MCTP1: variants seen among roughly 807,000 people sequenced by gnomAD.
MCTP1 encodes multiple C2 and transmembrane domain containing 1.
Under a neutral mutation model 120.6 loss-of-function variants are expected in MCTP1, and 69 were observed. That is an observed-to-expected ratio of 0.57 (90% CI 0.47 to 0.70). The LOEUF is 0.70. Among genes scored for constraint, MCTP1 ranks in the 30% least tolerant of loss-of-function variants. MCTP1 has a pLI of 0.00. For missense variants in MCTP1, 1,203 were observed against 1,248.8 expected (o/e 0.96, Z 0.55); for synonymous variants, 529 against 493.1 (o/e 1.07, Z -0.96).
chr5:94,782,004 G>A (rs908847393), intron 18 of MCTP1, among the ~76,000 whole-genome samples: 2 of 151,930 alleles, frequency 1.3e-5, no homozygotes, highest in African/African-American at 2.4e-5. Flanking sequence ...GTTTCCTATC[G>A]ATGCCTTTAA....
chr5:94,710,964 T>G (rs1198934006), intron 20 of MCTP1, 37 bp from the exon 21 acceptor site: 1 of 1,367,024 alleles, frequency 7.3e-7, no homozygotes, highest in Non-Finnish European at 1.0e-6. Context: ...ATCTGAGTAC[T>G]TCATACTTTT....
At chr5:94,831,664 C>T (rs902834714) in intron 17 of MCTP1, among the ~76,000 whole-genome samples, 1 of 152,100 alleles carries the variant, frequency 6.6e-6, no homozygotes, top group African/African-American at 2.4e-5. Context: ...AAATAAGAAT[C>T]CTTTGTGTAA....
At chr5:94,804,179 C>G (rs924803819) in intron 17 of MCTP1, among the ~76,000 whole-genome samples, 1 of 152,164 alleles carries the variant, frequency 6.6e-6, no homozygotes, top group Non-Finnish European at 1.5e-5. Context: ...ACATATTATT[C>G]TCTCTCCAAG....
At chr5:95,019,811 A>G (rs1198245069) in intron 1 of MCTP1, among the ~76,000 whole-genome samples, 2 of 152,060 alleles carry the variant, frequency 1.3e-5, no homozygotes, top group Admixed American at 6.6e-5. Flanking sequence ...AAAGGACAAG[A>G]GCGTGACAGC....
rs151174729 is a variant in MCTP1, at chr5:94,977,627, T to C, written c.839-24266A>G. On this transcript the variant is annotated intron_variant, in intron 2 of 22. Coordinates refer to ENST00000515393, the MANE Select transcript of MCTP1 (RefSeq NM_024717.7). ...TGGTACTGTGAAAAAGACAGACATA[T>C]AGTCCAAGGAACAGAATGAAAATCA... Among the ~76,000 whole-genome samples, 93 of 152,222 alleles carry C rather than the reference T, an allele frequency of 6.1e-4. 1 individual carries two copies. Among genetic ancestry groups the C allele is most frequent in the African/African-American group, 2.1e-3 (87 of 41,538 alleles).
intron 1 of MCTP1, among the ~76,000 whole-genome samples, chr5:95,088,274 T>C (rs1023161766): frequency 6.6e-6 from 1 of 152,200 alleles, no homozygotes; most frequent in African/African-American, 2.4e-5. Context: ...AACTTCTCAC[T>C]TACTCTCACT....
intron 1 of MCTP1, among the ~76,000 whole-genome samples, chr5:95,180,168 C>T (rs577388462): frequency 3.9e-5 from 6 of 152,256 alleles, no homozygotes; most frequent in African/African-American, 1.2e-4. Context: ...ACTAGACCTA[C>T]CAAATGAAAC....
Position 94,963,050 on chromosome 5 carries a change from G to C in MCTP1, c.839-9689C>G, listed in dbSNP as rs180818788. On this transcript the variant is annotated intron_variant, in intron 2 of 22. Transcript: ENST00000515393. ...CTAGTTCCCTTGAGCCCTTTTGTAA[G>C]GGTGCTAATCCCATTCATGAGGACA... Among the ~76,000 whole-genome samples, 5 of 152,188 alleles carry C rather than the reference G, an allele frequency of 3.3e-5. No individual in the cohort carries two copies. In the East Asian group the frequency reaches 7.7e-4, roughly 24 times the overall value.
chr5:94,895,439 G>A (rs2153405765), intron 10 of MCTP1, among the ~76,000 whole-genome samples: 1 of 152,258 alleles, frequency 6.6e-6, no homozygotes, highest in South Asian at 2.1e-4. Context: ...TTTCTAATGT[G>A]GCAGTGCCTG....
At chr5:95,062,588 A>G (rs1749520984) in intron 1 of MCTP1, among the ~76,000 whole-genome samples, 1 of 152,194 alleles carries the variant, frequency 6.6e-6, no homozygotes, top group African/African-American at 2.4e-5. Flanking sequence ...TCCCCTCAGC[A>G]TGGGATTGGG....
intron 17 of MCTP1, chr5:94,826,049 C>G (rs749836659): frequency 1.7e-4 from 55 of 320,164 alleles, no homozygotes; most frequent in South Asian, 6.1e-4. Flanking sequence ...CATTCTGGCT[C>G]GTGGAGAAGA....
chr5:95,102,541 T>C (rs1458004036), intron 1 of MCTP1, among the ~76,000 whole-genome samples: 1 of 152,132 alleles, frequency 6.6e-6, no homozygotes, highest in Non-Finnish European at 1.5e-5. Flanking sequence ...ACGTCGGAAG[T>C]TGGAATTGAG....
chr5:94,797,030 C>T (rs141896855), intron 18 of MCTP1, among the ~76,000 whole-genome samples: 1 of 151,834 alleles, frequency 6.6e-6, no homozygotes, highest in African/African-American at 2.4e-5. Flanking sequence ...AGGAGATGTA[C>T]TAAAAGGAAA....
intron 2 of MCTP1, among the ~76,000 whole-genome samples, chr5:95,009,056 A>AAGAGAGAGAGAGAGAGAGAGAGAGAG (rs201724037): frequency 7.7e-6 from 1 of 129,472 alleles, no homozygotes; most frequent in Non-Finnish European, 1.5e-5. Context: ...GAGAGGGAGA[A>AAGAGAGAGAGAGAGAGAGAGAGAGAG]AGAGAGAGAG....
intron 17 of MCTP1, among the ~76,000 whole-genome samples, chr5:94,828,218 C>T (rs994835154): frequency 3.3e-5 from 5 of 152,240 alleles, no homozygotes; most frequent in African/African-American, 9.6e-5. Context: ...TCAGGCTCCT[C>T]TTCTGCAGGT....
At chr5:95,136,626 A>G (rs1296757796) in intron 1 of MCTP1, among the ~76,000 whole-genome samples, 2 of 152,226 alleles carry the variant, frequency 1.3e-5, no homozygotes, top group African/African-American at 4.8e-5. Flanking sequence ...GCTCTAGCTC[A>G]CAATAGAGTT....
rs924990985 is a variant in MCTP1 at position 94,950,176 on chromosome 5, C to A, written c.981+3043G>T. The stretch of plus-strand genomic sequence containing the variant: ...AGTATTGTATATAATAAAGTGACAT[C>A]ATTTTATATGTGTACTAGTATCTCA... On this transcript the variant is annotated intron_variant, in intron 3 of 22. Coordinates refer to ENST00000515393, the MANE Select transcript of MCTP1 (RefSeq NM_024717.7). 3.2e-4 allele frequency among the ~76,000 whole-genome samples: 48 copies of A among 152,048 alleles called. 1 individual carries two copies. The highest frequency in any genetic ancestry group is 3.4e-3 in the Middle Eastern group (1 of 294).
intron 17 of MCTP1, among the ~76,000 whole-genome samples, chr5:94,845,688 G>A (rs772341476): frequency 1.4e-4 from 21 of 152,116 alleles, no homozygotes; most frequent in Middle Eastern, 3.4e-3. Context: ...GAGATTACAG[G>A]TACAGGTACG....
chr5:94,771,885 TA>T (rs929631552), intron 19 of MCTP1, among the ~76,000 whole-genome samples: 6 of 152,206 alleles, frequency 3.9e-5, no homozygotes, highest in African/African-American at 1.4e-4. Context: ...CTCACTGGGC[TA>T]AAAATGAAGG....
Sources: gnomAD v4.1 joint callset for allele counts (sites outside exome capture counted in the v4.1 genomes callset) on GRCh38, gnomAD v4.1.1 for gene constraint, MANE v1.5 for transcripts, NCBI Gene and HGNC (gene_info 2026-07-23, HGNC 2026-07-21) for gene names.